The following MIOS variants were observed in gnomAD, a reference collection of about 807,000 sequenced individuals.
MIOS encodes meiosis regulator for oocyte development, also known as GATOR2 complex protein MIOS.
In MIOS, 52 loss-of-function variants were observed where a neutral mutation model predicts 96.9. The observed-to-expected ratio is 0.54, with a 90% CI of 0.43 to 0.68. The LOEUF is 0.68. Among genes scored for constraint, MIOS ranks in the 30% least tolerant of loss-of-function variants. MIOS has a pLI of 0.00. For missense variants in MIOS, 1,005 were observed against 1,052.8 expected (o/e 0.95, Z 0.63); for synonymous variants, 397 against 359.5 (o/e 1.10, Z -1.18).
intron 5 of MIOS, among the ~76,000 whole-genome samples, chr7:7,580,566 AAATATGTACT>A (rs2115391816): frequency 6.6e-6 from 1 of 152,328 alleles, no homozygotes; most frequent in East Asian, 1.9e-4. Context: ...ATATAATTTA[AAATATGTACT>A]AACATGCATA....
chr7:7,601,601 G>T (rs182169699), intron 11 of MIOS, among the ~76,000 whole-genome samples: 16 of 152,208 alleles, frequency 1.1e-4, no homozygotes, highest in African/African-American at 3.6e-4. Flanking sequence ...ACCAAAAAAA[G>T]TCCAGGACCA....
chr7:7,572,774 T>A lies in MIOS; in HGVS notation c.299T>A (p.Phe100Tyr). The change falls in exon 4 of 13, where the codon TTC becomes TAC. Residue 100 changes from phenylalanine (F) to tyrosine (Y), a missense_variant. Around this residue, in one of 3 missense-constraint regions of MIOS, gnomAD observed 137 missense variants for 148.6 expected, o/e 0.92. Transcript: ENST00000340080. This position sits in a 1 kb window ranked among gnomAD's most constrained non-coding sequence, Gnocchi z 4.8. ...CTTGGTCAAGATCATAACTCAAAGT[T>A]CAAAGATTTGATAGGAAAAGAGTTT... ...TSLGQDHNSK[F>Y]KDLIGKEFVP... The A allele has an allele frequency of 6.2e-7, 1 of 1,614,106 alleles. No homozygotes were observed. Among genetic ancestry groups the A allele is most frequent in the Non-Finnish European group, 8.5e-7 (1 of 1,179,974 alleles).
rs1346932777 is a variant in MIOS at position 7,573,677 on chromosome 7, G to A, written c.1202G>A (p.Arg401Lys). 6.2e-7 allele frequency: 1 copy of A among 1,613,904 alleles called. No homozygotes were observed. The highest frequency in any genetic ancestry group is 8.5e-7 in the Non-Finnish European group (1 of 1,179,926). ...AAGATGCGTCTTCGGGCTTTATCAA[G>A]GTATGGACTTGATACAGAGCAGGTG... ...ATKMRLRALS[R>K]YGLDTEQVWR... The change falls in exon 4 of 13, where the codon AGG becomes AAG. Residue 401 changes from arginine (R) to lysine (K), a missense_variant. This residue lies in a region of MIOS where 865 missense variants were observed against 887.9 expected (regional missense o/e 0.97). Transcript: ENST00000340080. The surrounding 1 kb of genome is among the most constrained non-coding windows in gnomAD (Gnocchi z 5.0).
rs955273166 is a variant in MIOS, at chr7:7,608,096, A to T, written c.*1004A>T. 1.3e-5 allele frequency: 2 copies of T among 152,088 alleles called. No individual in the cohort carries two copies. The highest frequency in any genetic ancestry group is 2.9e-5 in the Non-Finnish European group (2 of 67,996). The allele number at this position is 152,088 out of a possible 1,614,324, so 9.4% of individuals were successfully genotyped here. On this transcript the variant is annotated 3_prime_UTR_variant, in exon 13 of 13. Transcript: ENST00000340080. ...TGTTGGGGAAATGGGGTCACTTCAG[A>T]GACCATTTTAGATGTAAGTTTTTAA...
intron 5 of MIOS, among the ~76,000 whole-genome samples, chr7:7,577,556 G>A (rs1002987371): frequency 6.6e-6 from 1 of 152,158 alleles, no homozygotes; most frequent in African/African-American, 2.4e-5. Flanking sequence ...CTAATTGAAG[G>A]AAGCCCATAG....
rs1171010233 is a variant in MIOS at position 7,574,295 on chromosome 7, A to G, written c.1393+99A>G. On this transcript the variant is annotated intron_variant, in intron 5 of 12. Transcript: ENST00000340080. ...GCAGAAATTATCTAGTTATTTCAGG[A>G]TCATGTACATAATTTTTTTTGTTTT... The G allele has an allele frequency of 7.3e-6, 6 of 822,978 alleles. No individual in the cohort carries two copies. The Admixed American group carries it at 1.6e-4, about 22-fold the overall frequency. 51.0% of individuals were successfully genotyped at this position (822,978 alleles called of 1,614,324 possible). A position where few individuals can be genotyped will look rare whatever the true frequency, so the allele number is the denominator to read the frequency against.
chr7:7,575,153 T>C (rs1463581844), intron 5 of MIOS, among the ~76,000 whole-genome samples: 1 of 152,124 alleles, frequency 6.6e-6, no homozygotes, highest in African/African-American at 2.4e-5. Context: ...GTCAAGCTGT[T>C]AGAAAAGTAG....
chr7:7,591,327 G>A (rs867768908), intron 9 of MIOS, among the ~76,000 whole-genome samples: 18 of 139,886 alleles, frequency 1.3e-4, no homozygotes, highest in Non-Finnish European at 1.8e-4. Flanking sequence ...ACAGGGTCTC[G>A]CTCTCTCACC....
intron 11 of MIOS, among the ~76,000 whole-genome samples, chr7:7,596,869 C>G (rs1784217795): frequency 6.6e-6 from 1 of 152,048 alleles, no homozygotes; most frequent in Non-Finnish European, 1.5e-5. Context: ...TTTGACATTT[C>G]TTCCTTCATC....
intron 11 of MIOS, among the ~76,000 whole-genome samples, chr7:7,602,382 G>C (rs1309195725): frequency 1.3e-5 from 2 of 152,120 alleles, no homozygotes; most frequent in East Asian, 3.9e-4. Flanking sequence ...AAAGTCTCAG[G>C]ATACAAAATC....
chr7:7,587,458 A>G (rs773483773), intron 7 of MIOS, among the ~76,000 whole-genome samples: 3 of 152,200 alleles, frequency 2.0e-5, no homozygotes, highest in Non-Finnish European at 2.9e-5. Flanking sequence ...TAATGTTGCT[A>G]TTTAAAAAAT....
chr7:7,588,562 A>T lies in MIOS; in HGVS notation c.1883A>T (p.Gln628Leu). 6.4e-7 allele frequency: 1 copy of T among 1,573,898 alleles called. No individual in the cohort carries two copies. The highest frequency in any genetic ancestry group is 2.3e-5 in the East Asian group (1 of 43,938). The change falls in exon 8 of 13, where the codon CAG (glutamine) becomes CTG (leucine). Residue 628 changes from glutamine to leucine, a missense_variant and splice_region_variant. Gln to Leu is a moderately radical substitution (Grantham distance 113, BLOSUM62 -2). Coordinates refer to ENST00000340080, the MANE Select transcript of MIOS (RefSeq NM_019005.4). ...AFACKFLSDT[Q>L]LNRYIEKLTN... is the part of the protein sequence containing the mutation. Reference sequence around the variant, plus strand: ...GCTTGTAAATTCCTTAGTGATACTCAGGTGAAAACTGATTTAATTCCACAT... The same window carrying T: ...GCTTGTAAATTCCTTAGTGATACTCTGGTGAAAACTGATTTAATTCCACAT...
chr7:7,570,776 C>T (rs902807441), intron 3 of MIOS, among the ~76,000 whole-genome samples: 1 of 152,086 alleles, frequency 6.6e-6, no homozygotes, highest in Admixed American at 6.5e-5. Flanking sequence ...TGACAGGAGG[C>T]GGAGCTCAGG....
intron 9 of MIOS, among the ~76,000 whole-genome samples, chr7:7,591,446 T>C (rs1784046255): frequency 6.6e-6 from 1 of 151,816 alleles, no homozygotes; most frequent in African/African-American, 2.4e-5. Flanking sequence ...TCCTGGCTAA[T>C]TTTTTGTATT....
Position 7,585,416 on chromosome 7 carries a change from CTT to C in MIOS, c.1649-207_1649-206del, listed in dbSNP as rs777174384. On this transcript the variant is annotated intron_variant, in intron 6 of 12. Transcript: ENST00000340080. ...TCTGAATCAAAACCCAAACCCCCCC[CTT>C]TTTTTTTTTTTTCAAGAGTAAAGTG... 9.5e-4 allele frequency among the ~76,000 whole-genome samples: 70 copies of C among 73,468 alleles called. 1 individual carries two copies. In the South Asian group the frequency reaches 0.016, roughly 16 times the overall value. 48.2% of individuals were successfully genotyped at this position (73,468 alleles called of 152,430 possible).
chr7:7,606,144 G>T, intron 12 of MIOS, 73 bp downstream of exon 12: 65 of 1,537,952 alleles, frequency 4.2e-5, no homozygotes, highest in South Asian at 1.8e-4. Context: ...AAATAGTTTG[G>T]GTTTATCTAT....
chr7:7,581,538 C>G (rs1357636371), intron 5 of MIOS, among the ~76,000 whole-genome samples: 1 of 152,046 alleles, frequency 6.6e-6, no homozygotes, highest in African/African-American at 2.4e-5. Context: ...AAAAGGCTAA[C>G]CAGAAGGTAT....
chr7:7,599,160 C>A (rs1282569223), intron 11 of MIOS, among the ~76,000 whole-genome samples: 1 of 152,048 alleles, frequency 6.6e-6, no homozygotes, highest in African/African-American at 2.4e-5. Flanking sequence ...AAATCCAATG[C>A]CTTTTAAAAA....
intron 7 of MIOS, among the ~76,000 whole-genome samples, chr7:7,587,961 C>G (rs1783941111): frequency 6.6e-6 from 1 of 152,138 alleles, no homozygotes; most frequent in African/African-American, 2.4e-5. Flanking sequence ...ATCTTTGCCA[C>G]AAACCACCTA....
Sources: allele counts gnomAD v4.1 joint callset (sites outside exome capture counted in the v4.1 genomes callset), GRCh38; gene constraint gnomAD v4.1.1; regional missense constraint gnomAD v4.1.1; non-coding constraint Gnocchi (gnomAD v3.1); transcripts MANE v1.5; gene names NCBI Gene and HGNC (gene_info 2026-07-23, HGNC 2026-07-21).